Variants in UBR3 observed in about 807,000 individuals in gnomAD.
UBR3 encodes E3 ubiquitin-protein ligase UBR3.
In UBR3, 85 loss-of-function variants were observed where a neutral mutation model predicts 243.2. The ratio of observed to expected loss-of-function variants is 0.35; its 90% CI spans 0.29 to 0.42. The LOEUF (loss-of-function observed/expected upper bound fraction) is 0.42, where lower values mean the gene tolerates loss of function less well. Among genes scored for constraint, UBR3 ranks in the 10% least tolerant of loss-of-function variants. The pLI, the probability that UBR3 is intolerant of heterozygous loss-of-function variation, is 1.00. For missense variants in UBR3, 1,686 were observed against 2,300.8 expected, an observed-to-expected ratio of 0.73 and a Z score of 5.47; for synonymous variants, 748 against 799.8, an observed-to-expected ratio of 0.94 and a Z score of 1.09.
At chr2:170,009,901 T>C (rs6720533) in intron 29 of UBR3, among the ~76,000 whole-genome samples, 124,429 of 151,916 alleles carry the variant, frequency 0.82, 51,262 homozygotes, top group Middle Eastern at 0.9. Context: ...TTCTCTCTGG[T>C]CCACTCCTGG....
At chr2:169,847,110 T>C (rs2082509014) in intron 1 of UBR3, among the ~76,000 whole-genome samples, 2 of 73,268 alleles carry the variant, frequency 2.7e-5, no homozygotes, top group South Asian at 6.8e-4. Flanking sequence ...TGTGTGTGTG[T>C]GTGTGTGTGT....
At chr2:169,955,500 T>C (rs1248209567) in intron 23 of UBR3, among the ~76,000 whole-genome samples, 1 of 151,886 alleles carries the variant, frequency 6.6e-6, no homozygotes, top group African/African-American at 2.4e-5. Context: ...GGCAATAAGA[T>C]GTTCCAGGCT....
At chr2:169,832,821 T>C (rs1558994795) in intron 1 of UBR3, among the ~76,000 whole-genome samples, 1 of 151,548 alleles carries the variant, frequency 6.6e-6, no homozygotes, top group Non-Finnish European at 1.5e-5. Context: ...TAATCCCAGC[T>C]ACTCTGGAGG....
In UBR3 at chr2:169,936,979, C is replaced by T. The variant is rs1395612638; in HGVS notation, c.2663+3971C>T. 1.9e-4 allele frequency among the ~76,000 whole-genome samples: 29 copies of T among 152,272 alleles called. 1 individual carries two copies. The East Asian group carries it at 5.0e-3, about 26-fold the overall frequency. On this transcript the variant is annotated intron_variant, in intron 19 of 38. Coordinates refer to ENST00000272793, the MANE Select transcript of UBR3 (RefSeq NM_172070.4). ...CTATTGTGAATGGTGCTGCAATAAA[C>T]ATACATGTGCATGTGTCTTTATAGC... is the stretch of plus-strand genomic sequence containing the variant.
chr2:170,069,964 G>A (rs527540511), intron 35 of UBR3, among the ~76,000 whole-genome samples: 85 of 151,836 alleles, frequency 5.6e-4, no homozygotes, highest in South Asian at 6.3e-4. Flanking sequence ...AATGCTATAC[G>A]AATAGTTATT....
intron 16 of UBR3, 23 bp downstream of exon 16, chr2:169,926,994 C>T (rs1233965395): frequency 6.5e-7 from 1 of 1,539,264 alleles, no homozygotes; most frequent in Admixed American, 2.0e-5. Flanking sequence ...GATACTAATA[C>T]TTATGCATTA....
At chr2:169,978,361 G>C (rs1228199974) in intron 24 of UBR3, among the ~76,000 whole-genome samples, 1 of 152,064 alleles carries the variant, frequency 6.6e-6, no homozygotes, top group Non-Finnish European at 1.5e-5. Flanking sequence ...TTTGCTCTCT[G>C]TTGTAGGGGT....
At chr2:169,950,653 A>G (rs1422508532) in intron 23 of UBR3, among the ~76,000 whole-genome samples, 1 of 151,584 alleles carries the variant, frequency 6.6e-6, no homozygotes, top group Admixed American at 6.6e-5. Context: ...ATCTCAAGAT[A>G]TATACTATGT....
At chr2:170,079,105 T>C (rs1204122873) in intron 36 of UBR3, among the ~76,000 whole-genome samples, 1 of 152,212 alleles carries the variant, frequency 6.6e-6, no homozygotes, top group East Asian at 1.9e-4. Flanking sequence ...CTACATTTTA[T>C]CTTTTTTAAG....
intron 35 of UBR3, among the ~76,000 whole-genome samples, chr2:170,073,021 G>A (rs566180697): frequency 2.6e-5 from 4 of 152,054 alleles, no homozygotes; most frequent in South Asian, 2.1e-4. Context: ...GCACTCTCTC[G>A]TGAATTCCAT....
In UBR3 at chr2:170,041,346, C is replaced by G. The variant is rs1447689126; in HGVS notation, c.4660+361C>G. Among the ~76,000 whole-genome samples the G allele has an allele frequency of 5.9e-5, 9 of 152,126 alleles. No homozygotes were observed. The East Asian group carries it at 1.4e-3, about 23-fold the overall frequency. On this transcript the variant is annotated intron_variant, in intron 32 of 38. Coordinates refer to ENST00000272793, the MANE Select transcript of UBR3 (RefSeq NM_172070.4). ...GTGGGTCTGTTCAGCTTTTTAGTCA[C>G]TAAGAGGTAAAGACATGGGAAAACA... is the stretch of plus-strand genomic sequence containing the variant.
intron 37 of UBR3, 56 bp downstream of exon 37, chr2:170,080,079 A>G: frequency 6.7e-7 from 1 of 1,499,878 alleles, no homozygotes; most frequent in Non-Finnish European, 9.1e-7. Context: ...ATATCACAAA[A>G]TATGGTCAAG....
At chr2:170,020,052 A>T (rs984223157) in intron 30 of UBR3, among the ~76,000 whole-genome samples, 3 of 152,178 alleles carry the variant, frequency 2.0e-5, no homozygotes, top group Non-Finnish European at 4.4e-5. Context: ...AAGTGCTGGG[A>T]TTATAGGCAT....
chr2:170,005,237 CA>C (rs921185354), intron 27 of UBR3, among the ~76,000 whole-genome samples: 8 of 151,982 alleles, frequency 5.3e-5, no homozygotes, highest in African/African-American at 1.7e-4. Context: ...CAAAACAAAA[CA>C]AAAAAACCGG....
intron 36 of UBR3, among the ~76,000 whole-genome samples, chr2:170,079,025 G>A (rs565978737): frequency 7.9e-5 from 12 of 152,328 alleles, no homozygotes; most frequent in African/African-American, 2.9e-4. Context: ...ATGGCTGCAT[G>A]TAGGTAATGT....
chr2:169,829,420 G>A (rs1382686373), intron 1 of UBR3, among the ~76,000 whole-genome samples: 1 of 136,418 alleles, frequency 7.3e-6, no homozygotes, highest in African/African-American at 2.6e-5. Context: ...GCTAACATTT[G>A]AGTTTTTTTT....
At chr2:169,933,715 A>G (rs1057002887) in intron 19 of UBR3, among the ~76,000 whole-genome samples, 1 of 152,232 alleles carries the variant, frequency 6.6e-6, no homozygotes, top group African/African-American at 2.4e-5. Context: ...ATTTTGAGAA[A>G]GTATTAGTAC....
chr2:170,028,930 A>T (rs1045277742), intron 30 of UBR3, among the ~76,000 whole-genome samples: 6 of 152,006 alleles, frequency 3.9e-5, no homozygotes, highest in African/African-American at 1.4e-4. Flanking sequence ...AGGCAAAGAA[A>T]GAACTTCACC....
At chr2:169,922,195 A>G (rs1008669223) in intron 11 of UBR3, among the ~76,000 whole-genome samples, 1 of 150,116 alleles carries the variant, frequency 6.7e-6, no homozygotes, top group African/African-American at 2.5e-5. Flanking sequence ...CCGAGGAGGG[A>G]GGATGACTTG....
Sources: gnomAD v4.1 joint callset for allele counts (sites outside exome capture counted in the v4.1 genomes callset) on GRCh38, gnomAD v4.1.1 for gene constraint, MANE v1.5 for transcripts, NCBI Gene and HGNC (gene_info 2026-07-23, HGNC 2026-07-21) for gene names.